CAMTA1: variants seen among roughly 807,000 people sequenced by gnomAD.
CAMTA1 encodes the protein calmodulin binding transcription activator 1.
A neutral mutation model predicts 170.9 loss-of-function variants in CAMTA1; 27 were observed. That is an observed-to-expected ratio of 0.16 (90% CI 0.12 to 0.22). The LOEUF (loss-of-function observed/expected upper bound fraction) is 0.22, where lower values mean the gene tolerates loss of function less well. Among genes scored for constraint, CAMTA1 ranks in the 10% least tolerant of loss-of-function variants. The pLI is 1.00. For missense variants in CAMTA1, 1,619 were observed against 2,217.2 expected (o/e 0.73, Z 5.42); for synonymous variants, 833 against 891.5 (o/e 0.93, Z 1.17).
At chr1:7,197,678 A>ACACT (rs57819326) in intron 4 of CAMTA1, among the ~76,000 whole-genome samples, 11,490 of 139,024 alleles carry the variant, frequency 0.083, 935 homozygotes, top group Admixed American at 0.11. Context: ...ACACACACAC[A>ACACT]ATCTACTTGC....
At chr1:6,940,967 TG>T (rs1460906716) in intron 3 of CAMTA1, among the ~76,000 whole-genome samples, 1,113 of 13,088 alleles carry the variant, frequency 0.085, 14 homozygotes, top group Middle Eastern at 0.2. Context: ...CCTTGCAAGG[TG>T]GGGGGATCCT....
chr1:7,732,444 C>G lies in CAMTA1; in HGVS notation c.2915-4C>G, dbSNP rs550406104. Reference sequence around the variant, plus strand: ...ACCTCACTCTTCCTCCTGCTCTGCCCTAGATAACCAGTTCAGGATGTCCAT... The same window carrying G: ...ACCTCACTCTTCCTCCTGCTCTGCCGTAGATAACCAGTTCAGGATGTCCAT... On this transcript the variant is annotated splice_region_variant and splice_polypyrimidine_tract_variant and intron_variant, in intron 11 of 22. Coordinates refer to ENST00000303635, the MANE Select transcript of CAMTA1 (RefSeq NM_015215.4). The surrounding 1 kb of genome is among the most constrained non-coding windows in gnomAD (Gnocchi z 4.1). 1.2e-6 allele frequency: 2 copies of G among 1,613,144 alleles called. No homozygotes were observed. The highest frequency in any genetic ancestry group is 1.7e-4 in the Middle Eastern group (1 of 5,952).
chr1:7,330,502 G>A (rs2149738881), intron 5 of CAMTA1, among the ~76,000 whole-genome samples: 1 of 152,224 alleles, frequency 6.6e-6, no homozygotes, highest in East Asian at 1.9e-4. Flanking sequence ...GTGAGTTGAG[G>A]CCAGAGATGA....
intron 5 of CAMTA1, among the ~76,000 whole-genome samples, chr1:7,421,924 G>T (rs1045402040): frequency 6.6e-6 from 1 of 152,052 alleles, no homozygotes; most frequent in Non-Finnish European, 1.5e-5. Flanking sequence ...GCTCTGTGTG[G>T]CATCTGTGCT....
rs1575462166 is a variant in CAMTA1, at chr1:7,463,488, T to C, written c.439-4342T>C. Among the ~76,000 whole-genome samples, 1 of 139,354 alleles carries C rather than the reference T, an allele frequency of 7.2e-6. No individual in the cohort carries two copies. The highest frequency in any genetic ancestry group is 1.6e-5 in the Non-Finnish European group (1 of 64,040). The allele number at this position is 139,354 out of a possible 152,430, so 91.4% of individuals were successfully genotyped here. A position where few individuals can be genotyped will look rare whatever the true frequency, so the allele number is the denominator to read the frequency against. On this transcript the variant is annotated intron_variant, in intron 5 of 22. Transcript: ENST00000303635. The surrounding 1 kb of genome is among the most constrained non-coding windows in gnomAD (Gnocchi z 4.7). ...AGAGAGGACAAGACAGCTGCAGAGA[T>C]GGAGAGAGAGAGAAAGAAAGAGACT...
At chr1:7,330,774 TTC>T (rs2082980295) in intron 5 of CAMTA1, among the ~76,000 whole-genome samples, 1 of 152,232 alleles carries the variant, frequency 6.6e-6, no homozygotes, top group Non-Finnish European at 1.5e-5. Context: ...TCTGTGTTGA[TTC>T]TCTCTTTGAT....
intron 3 of CAMTA1, among the ~76,000 whole-genome samples, chr1:6,939,873 AC>A (rs1187912460): frequency 2.6e-5 from 4 of 152,034 alleles, no homozygotes; most frequent in African/African-American, 7.3e-5. Context: ...TTCTCTGTTC[AC>A]CCCAGCACCC....
chr1:7,610,851 C>T (rs573097271), intron 6 of CAMTA1, among the ~76,000 whole-genome samples: 4 of 152,224 alleles, frequency 2.6e-5, no homozygotes, highest in Admixed American at 6.5e-5. Flanking sequence ...CAAATAGCGC[C>T]TCAGAGCACC....
At chr1:7,189,885 C>A (rs1213622306) in intron 4 of CAMTA1, among the ~76,000 whole-genome samples, 1 of 152,334 alleles carries the variant, frequency 6.6e-6, no homozygotes, top group East Asian at 1.9e-4. Flanking sequence ...ACCCAAATGT[C>A]CATCAGTCAA....
At chr1:7,762,866 C>T (rs1232841289) in intron 22 of CAMTA1, among the ~76,000 whole-genome samples, 1 of 152,038 alleles carries the variant, frequency 6.6e-6, no homozygotes, top group African/African-American at 2.4e-5. Flanking sequence ...TAAAAGATGA[C>T]ACCTTAGAAT....
At chr1:7,410,562 G>A (rs2745660) in intron 5 of CAMTA1, among the ~76,000 whole-genome samples, 139,541 of 152,294 alleles carry the variant, frequency 0.92, 64,000 homozygotes, top group East Asian at 0.99. Flanking sequence ...AAAAGGAAAA[G>A]GAGACACCAT....
intron 5 of CAMTA1, among the ~76,000 whole-genome samples, chr1:7,467,116 G>T (rs1360857460): frequency 1.3e-5 from 2 of 152,236 alleles, no homozygotes; most frequent in East Asian, 3.9e-4. Flanking sequence ...TAGGTGATGG[G>T]CCCCTGAGAG....
At chr1:7,578,389 C>T (rs975834378) in intron 6 of CAMTA1, among the ~76,000 whole-genome samples, 1 of 152,208 alleles carries the variant, frequency 6.6e-6, no homozygotes. Context: ...CGTGTCCCTC[C>T]CCGCCAGGCT....
chr1:6,787,258 C>T (rs756523781), intron 1 of CAMTA1, among the ~76,000 whole-genome samples: 18 of 151,946 alleles, frequency 1.2e-4, no homozygotes, highest in Non-Finnish European at 1.9e-4. Context: ...TGTAGACACC[C>T]GTGTCGCCCA....
intron 1 of CAMTA1, among the ~76,000 whole-genome samples, chr1:6,793,016 A>G (rs77665864): frequency 1.0e-5 from 1 of 99,746 alleles, no homozygotes; most frequent in Non-Finnish European, 2.2e-5. Flanking sequence ...CATACCACTC[A>G]TATATATCTT....
chr1:7,000,315 ACTTT>A (rs1698036548), intron 3 of CAMTA1, among the ~76,000 whole-genome samples: 1 of 152,158 alleles, frequency 6.6e-6, no homozygotes, highest in Non-Finnish European at 1.5e-5. Context: ...TCTACCCAAG[ACTTT>A]CCTCTTGTTT....
intron 5 of CAMTA1, among the ~76,000 whole-genome samples, chr1:7,280,788 A>G (rs1671395852): frequency 1.3e-5 from 2 of 152,370 alleles, no homozygotes; most frequent in Non-Finnish European, 2.9e-5. Context: ...AAGGTTCTCC[A>G]TGGACTAATG....
chr1:7,707,827 C>G (rs116549877), intron 11 of CAMTA1, among the ~76,000 whole-genome samples: 1 of 152,192 alleles, frequency 6.6e-6, no homozygotes, highest in Non-Finnish European at 1.5e-5. Flanking sequence ...TGGAGACCTT[C>G]AGTTAGAGTC....
intron 6 of CAMTA1, among the ~76,000 whole-genome samples, chr1:7,616,183 A>G (rs963461416): frequency 1.3e-5 from 2 of 152,258 alleles, no homozygotes; most frequent in African/African-American, 4.8e-5. Context: ...AAAGGCTCAC[A>G]TTGCTGAGAG....
Sources: allele counts gnomAD v4.1 joint callset (sites outside exome capture counted in the v4.1 genomes callset), GRCh38; gene constraint gnomAD v4.1.1; non-coding constraint Gnocchi (gnomAD v3.1); transcripts MANE v1.5; gene names NCBI Gene and HGNC (gene_info 2026-07-23, HGNC 2026-07-21).